Variants in RWDD2A observed in about 807,000 individuals in gnomAD.
RWDD2A encodes RWD domain containing 2A.
RWDD2A carries 15 observed loss-of-function variants against 23.1 expected under a neutral mutation model. The ratio of observed to expected loss-of-function variants is 0.65; its 90% CI spans 0.43 to 1.00. RWDD2A has a LOEUF of 1.00. Among genes scored for constraint, RWDD2A ranks in the 50% least tolerant of loss-of-function variants. The pLI is 0.00. For synonymous variants in RWDD2A, 103 were observed against 123.0 expected (o/e 0.84, Z 1.08); for missense variants, 310 against 341.7 (o/e 0.91, Z 0.73).
Position 83,197,888 on chromosome 6 carries a change from C to G in RWDD2A, c.*1616C>G, listed in dbSNP as rs1035606757. ...TCACAATGAGTGTCCTCTCAGGGCA[C>G]AACTCAGATCTTCAACCCATGGCTC... On this transcript the variant is annotated 3_prime_UTR_variant, in exon 3 of 3. Transcript: ENST00000369724. The G allele has an allele frequency of 2.0e-5, 3 of 152,360 alleles. No homozygotes were observed. The highest frequency in any genetic ancestry group is 2.0e-4 in the Admixed American group (3 of 15,310). 9.4% of individuals were successfully genotyped at this position (152,360 alleles called of 1,614,324 possible).
chr6:83,195,695 T>G lies in RWDD2A; in HGVS notation c.302T>G (p.Leu101Arg), dbSNP rs1172847166. 1 of 1,614,212 alleles carries G rather than the reference T, an allele frequency of 6.2e-7. No homozygotes were observed. Among genetic ancestry groups the G allele is most frequent in the Non-Finnish European group, 8.5e-7 (1 of 1,180,030 alleles). Reference protein sequence around the residue: ...SSELDRHQQLLLNKGLTSYIG... With the variant: ...SSELDRHQQLRLNKGLTSYIG... ...GAACTTGACAGACATCAGCAGCTAC[T>G]TCTCAACAAAGGTCTCACTTCTTAC... is the stretch of plus-strand genomic sequence containing the variant. The change falls in exon 3 of 3, where the codon CTT becomes CGT. Residue 101 changes from leucine (L) to arginine (R), a missense_variant. By Grantham distance (102) the Leu-to-Arg change is moderately radical. Coordinates refer to ENST00000369724, the MANE Select transcript of RWDD2A (RefSeq NM_033411.5).
chr6:83,196,278 G>A lies in RWDD2A; in HGVS notation c.*6G>A, dbSNP rs182864783. The A allele has an allele frequency of 9.5e-4, 1,460 of 1,530,970 alleles. No individual in the cohort carries two copies. Among genetic ancestry groups the A allele is most frequent in the Middle Eastern group, 3.9e-3 (22 of 5,680 alleles). The allele number at this position is 1,530,970 out of a possible 1,614,324, so 94.8% of individuals were successfully genotyped here. On this transcript the variant is annotated 3_prime_UTR_variant, in exon 3 of 3. Transcript: ENST00000369724. Reference sequence around the variant, plus strand: ...GCAAAAGTTCAGACTCATAAAAAGCGATTAAGAGGCCTATGCCTGTAATTT... The same window carrying A: ...GCAAAAGTTCAGACTCATAAAAAGCAATTAAGAGGCCTATGCCTGTAATTT...
chr6:83,198,010 C>A lies in RWDD2A; in HGVS notation c.*1738C>A, dbSNP rs1242100529. The A allele has an allele frequency of 1.3e-5, 2 of 152,166 alleles. No individual in the cohort carries two copies. The highest frequency in any genetic ancestry group is 4.8e-5 in the African/African-American group (2 of 41,444). 9.4% of individuals were successfully genotyped at this position (152,166 alleles called of 1,614,324 possible). ...ACTCAGGCTGGAGCCTGACACTTTG[C>A]CTATATGCAAAGGGAAGAAATAGGA... On this transcript the variant is annotated 3_prime_UTR_variant, in exon 3 of 3. Coordinates refer to ENST00000369724, the MANE Select transcript of RWDD2A (RefSeq NM_033411.5).
chr6:83,195,625 C>T lies in RWDD2A; in HGVS notation c.232C>T (p.His78Tyr). The T allele has an allele frequency of 6.2e-7, 1 of 1,612,270 alleles. No individual in the cohort carries two copies. The highest frequency in any genetic ancestry group is 1.7e-5 in the Admixed American group (1 of 59,946). The change falls in exon 3 of 3, where the codon CAC becomes TAC. Residue 78 changes from histidine (H) to tyrosine (Y), a missense_variant. Physicochemically the swap from His to Tyr is moderately conservative, Grantham distance 83. Coordinates refer to ENST00000369724, the MANE Select transcript of RWDD2A (RefSeq NM_033411.5). The part of the protein sequence containing the change: ...VKIDLQVTMP[H>Y]SYPYVALQLF... Reference sequence around the variant, plus strand: ...AATTGATTTGCAAGTGACCATGCCTCACAGCTACCCCTATGTAGCATTGCA... The same window carrying T: ...AATTGATTTGCAAGTGACCATGCCTTACAGCTACCCCTATGTAGCATTGCA...
chr6:83,194,736 T>G, intron 2 of RWDD2A, 84 bp downstream of exon 2: 3 of 1,007,232 alleles, frequency 3.0e-6, no homozygotes, highest in Non-Finnish European at 3.0e-6. Flanking sequence ...CAAGGAAAGA[T>G]AGAAATATTC....
In RWDD2A at chr6:83,196,203, C is replaced by T. The variant is rs760268090; in HGVS notation, c.810C>T (p.Leu270=). ...ATCTGGGCCAATTCTTAGAATTTCT[C>T]AAGAAGCACAAAAGTGAGCATGTTT... The part of the protein sequence containing the change: ...HMNLGQFLEF[L]KKHKSEHVFQ... Residue 270 remains leucine (L), a synonymous_variant, in exon 3 of 3, where the codon CTC becomes CTT. Transcript: ENST00000369724. The T allele has an allele frequency of 1.2e-6, 2 of 1,607,244 alleles. No homozygotes were observed. The highest frequency in any genetic ancestry group is 1.1e-5 in the South Asian group (1 of 89,082).
intron 1 of RWDD2A, 75 bp from the exon 2 acceptor site, chr6:83,194,237 T>C: frequency 1.9e-6 from 1 of 538,086 alleles, no homozygotes; most frequent in Non-Finnish European, 3.3e-6. Context: ...CGGAGTGTTT[T>C]AGAGGATGTT....
chr6:83,195,110 A>G (rs765077299), intron 2 of RWDD2A, among the ~76,000 whole-genome samples: 3 of 152,254 alleles, frequency 2.0e-5, no homozygotes, highest in Non-Finnish European at 2.9e-5. Flanking sequence ...CAACATTAGC[A>G]TAGCATAGGT....
Position 83,196,926 on chromosome 6 carries a change from T to C in RWDD2A, c.*654T>C, listed in dbSNP as rs1451553020. ...TGGTCTCAATCTCTTAACCTCGTGA[T>C]CTGCCTGCCTCGGCCTTCCAAAGTG... On this transcript the variant is annotated 3_prime_UTR_variant, in exon 3 of 3. Transcript: ENST00000369724. The C allele has an allele frequency of 6.6e-6, 1 of 152,266 alleles. No homozygotes were observed. The highest frequency in any genetic ancestry group is 1.5e-5 in the Non-Finnish European group (1 of 68,082). 9.4% of individuals were successfully genotyped at this position (152,266 alleles called of 1,614,324 possible). A position where few individuals can be genotyped will look rare whatever the true frequency, so the allele number is the denominator to read the frequency against.
At position 83,195,636 on chromosome 6, in the gene RWDD2A, C is replaced by T. The variant is rs902413599; in HGVS notation, c.243C>T (p.Pro81=). Residue 81 remains proline, a synonymous_variant, in exon 3 of 3, where the codon CCC becomes CCT. Transcript: ENST00000369724. ...AAGTGACCATGCCTCACAGCTACCC[C>T]TATGTAGCATTGCAGCTGTTTGGAC... ...DLQVTMPHSY[P]YVALQLFGRS... is the part of the protein sequence containing the mutation. The T allele has an allele frequency of 6.8e-6, 11 of 1,614,142 alleles. No homozygotes were observed. The highest frequency in any genetic ancestry group is 6.7e-5 in the East Asian group (3 of 44,882).
Position 83,196,354 on chromosome 6 carries a change from T to A in RWDD2A, c.*82T>A. 8.4e-7 allele frequency: 1 copy of A among 1,192,116 alleles called. No individual in the cohort carries two copies. The highest frequency in any genetic ancestry group is 1.2e-6 in the Non-Finnish European group (1 of 867,296). The allele number at this position is 1,192,116 out of a possible 1,614,324, so 73.8% of individuals were successfully genotyped here. ...AGACCAAATTAAAAAGGCTAGTGGC[T>A]GTGTAGCATCCTCAGTGCAAAACCC... On this transcript the variant is annotated 3_prime_UTR_variant, in exon 3 of 3. Coordinates refer to ENST00000369724, the MANE Select transcript of RWDD2A (RefSeq NM_033411.5).
In RWDD2A at chr6:83,195,983, T is replaced by A. The variant is rs1409528012; in HGVS notation, c.590T>A (p.Val197Glu). 6.2e-7 allele frequency: 1 copy of A among 1,614,176 alleles called. No homozygotes were observed. Residue 197 changes from valine to glutamate, a missense_variant, in exon 3 of 3, where the codon GTG (valine) becomes GAG (glutamate). Transcript: ENST00000369724. ...ACAGGAAAGCCTGGTATAATCTGTG[T>A]GGAGGGTTTCAAAGAGCACTGTGAG... ...CMTGKPGIIC[V>E]EGFKEHCEEF...
In RWDD2A at chr6:83,198,790, GAATC is replaced by G. The variant is rs1487429648; in HGVS notation, c.*2520_*2523del. 1 of 152,164 alleles carries G rather than the reference GAATC, an allele frequency of 6.6e-6. No homozygotes were observed. The allele number at this position is 152,164 out of a possible 1,614,324, so 9.4% of individuals were successfully genotyped here. A position where few individuals can be genotyped will look rare whatever the true frequency, so the allele number is the denominator to read the frequency against. On this transcript the variant is annotated 3_prime_UTR_variant, in exon 3 of 3. Coordinates refer to ENST00000369724, the MANE Select transcript of RWDD2A (RefSeq NM_033411.5). ...TCTTCCCTTTTGTTGTCGGAAATCA[GAATC>G]AGTCTCTATTGCTTGTAACTTAAGA...
At position 83,196,209 on chromosome 6, in the gene RWDD2A, G is replaced by A. The variant is rs1789583861; in HGVS notation, c.816G>A (p.Lys272=). The part of the protein sequence containing the change: ...NLGQFLEFLK[K]HKSEHVFQIL... ...GCCAATTCTTAGAATTTCTCAAGAA[G>A]CACAAAAGTGAGCATGTTTTTCAGA... is the stretch of plus-strand genomic sequence containing the variant. The change falls in exon 3 of 3, where the codon AAG becomes AAA. Residue 272 remains lysine (K), a synonymous_variant. Transcript: ENST00000369724. 2 of 1,603,334 alleles carry A rather than the reference G, an allele frequency of 1.2e-6. No individual in the cohort carries two copies. The highest frequency in any genetic ancestry group is 1.7e-6 in the Non-Finnish European group (2 of 1,176,426).
intron 2 of RWDD2A, 44 bp downstream of exon 2, chr6:83,194,696 A>G (rs764615850): frequency 4.5e-5 from 63 of 1,392,038 alleles, no homozygotes; most frequent in Non-Finnish European, 6.3e-5. Context: ...CCAGTTTTTA[A>G]TTGAAACATC....
At position 83,193,718 on chromosome 6, in the gene RWDD2A, CT is replaced by C. The variant is rs1013104809; in HGVS notation, c.-141+278del. On this transcript the variant is annotated intron_variant, in intron 1 of 2. Coordinates refer to ENST00000369724, the MANE Select transcript of RWDD2A (RefSeq NM_033411.5). ...CCGACGTCGAGGTCATCTCCCAAACCTTTGAATCTGGGAAGCCTTCTCCGGC... is the reference window on the plus strand; with the variant it reads ...CCGACGTCGAGGTCATCTCCCAAACCTTGAATCTGGGAAGCCTTCTCCGGC... 3 of 153,188 alleles carry C rather than the reference CT, an allele frequency of 2.0e-5. No individual in the cohort carries two copies. The Admixed American group carries it at 2.0e-4, about 10-fold the overall frequency. The allele number at this position is 153,188 out of a possible 1,614,324, so 9.5% of individuals were successfully genotyped here. A position where few individuals can be genotyped will look rare whatever the true frequency, so the allele number is the denominator to read the frequency against.
In RWDD2A at chr6:83,196,303, T is replaced by G. The variant is rs760512308; in HGVS notation, c.*31T>G. 1.4e-6 allele frequency: 2 copies of G among 1,479,516 alleles called. No individual in the cohort carries two copies. Among genetic ancestry groups the G allele is most frequent in the African/African-American group, 2.8e-5 (2 of 71,000 alleles). The allele number at this position is 1,479,516 out of a possible 1,614,324, so 91.6% of individuals were successfully genotyped here. A position where few individuals can be genotyped will look rare whatever the true frequency, so the allele number is the denominator to read the frequency against. On this transcript the variant is annotated 3_prime_UTR_variant, in exon 3 of 3. Coordinates refer to ENST00000369724, the MANE Select transcript of RWDD2A (RefSeq NM_033411.5). The stretch of plus-strand genomic sequence containing the variant: ...GATTAAGAGGCCTATGCCTGTAATT[T>G]CACTAAGTCAGTATTTCTGTTAATA...
At chr6:83,195,426 A>G in intron 2 of RWDD2A, 169 bp from the exon 3 acceptor site, 1 of 634,508 alleles carries the variant, frequency 1.6e-6, no homozygotes. Flanking sequence ...TGGCACACGT[A>G]GTTGTTCAAT....
At position 83,196,065 on chromosome 6, in the gene RWDD2A, T is replaced by G. The variant is rs1351273697; in HGVS notation, c.672T>G (p.Ala224=). ...GGAAGCACATTTCCTGTAAGCATGC[T>G]GAAAGCGTGGAGACAGAAGGAAATG... ...PNWKHISCKH[A]ESVETEGNGE... Residue 224 remains alanine, a synonymous_variant, in exon 3 of 3, where the codon GCT becomes GCG. Transcript: ENST00000369724. The G allele has an allele frequency of 6.2e-7, 1 of 1,613,730 alleles. No individual in the cohort carries two copies. Among genetic ancestry groups the G allele is most frequent in the Admixed American group, 1.7e-5 (1 of 59,980 alleles).
Sources: gnomAD v4.1 joint callset for allele counts (sites outside exome capture counted in the v4.1 genomes callset) on GRCh38, gnomAD v4.1.1 for gene constraint, MANE v1.5 for transcripts, NCBI Gene and HGNC (gene_info 2026-07-23, HGNC 2026-07-21) for gene names.